Variants in CYFIP2 observed in about 807,000 individuals in gnomAD.
CYFIP2 encodes the protein cytoplasmic FMR1 interacting protein 2.
Under a neutral mutation model 158.7 loss-of-function variants are expected in CYFIP2, and 29 were observed. The observed-to-expected ratio is 0.18, with a 90% CI of 0.14 to 0.25. The LOEUF (loss-of-function observed/expected upper bound fraction) is 0.25. CYFIP2 is among the 10% of genes least tolerant of loss of function. The probability of loss-of-function intolerance (pLI) is 1.00; values close to 1 mark genes in which losing one functional copy is unlikely to be tolerated. For missense variants in CYFIP2, 852 were observed against 1,639.5 expected (o/e 0.52, Z 8.29); for synonymous variants, 585 against 617.6 (o/e 0.95, Z 0.78).
chr5:157,326,107 T>C, intron 17 of CYFIP2, 64 bp from the exon 18 acceptor site: 2 of 1,202,048 alleles, frequency 1.7e-6, no homozygotes, highest in East Asian at 4.7e-5. Context: ...CCCAAGCAAG[T>C]ATAAAGCTGT....
intron 21 of CYFIP2, among the ~76,000 whole-genome samples, chr5:157,338,313 G>A (rs1003076674): frequency 2.6e-5 from 4 of 152,226 alleles, no homozygotes; most frequent in Non-Finnish European, 5.9e-5. Context: ...CCCATGGCTT[G>A]TAGCCACGCC....
chr5:157,370,158 CATG>C (rs1764861732), intron 26 of CYFIP2, among the ~76,000 whole-genome samples: 1 of 152,160 alleles, frequency 6.6e-6, no homozygotes, highest in Non-Finnish European at 1.5e-5. Flanking sequence ...GGATTACAGG[CATG>C]AGCTACCACA....
chr5:157,271,072 A>AG (rs1237079610), intron 1 of CYFIP2, among the ~76,000 whole-genome samples: 1 of 152,210 alleles, frequency 6.6e-6, no homozygotes, highest in African/African-American at 2.4e-5. Context: ...AAGGTCATTA[A>AG]GGGGCTTGGC....
chr5:157,333,210 C>T (rs1165437455), intron 20 of CYFIP2, 117 bp from the exon 21 acceptor site: 7 of 1,352,590 alleles, frequency 5.2e-6, no homozygotes, highest in Non-Finnish European at 7.2e-6. Flanking sequence ...GAAACCCCTC[C>T]CACCTGGCAG....
rs73815880 is a variant in CYFIP2 at position 157,385,830 on chromosome 5, C to T, written c.3207+2471C>T. ...TATAGAGAAGGAATATTGATGATTC[C>T]GGCACAGCTTCACAAATGTTTTCTC... On this transcript the variant is annotated intron_variant, in intron 28 of 30. Transcript: ENST00000620254. Among the ~76,000 whole-genome samples, 486 of 151,698 alleles carry T rather than the reference C, an allele frequency of 3.2e-3. 4 individuals carry two copies. The highest frequency in any genetic ancestry group is 0.011 in the African/African-American group (455 of 41,404).
At chr5:157,368,957 G>A (rs1375959698) in intron 26 of CYFIP2, among the ~76,000 whole-genome samples, 2 of 150,476 alleles carry the variant, frequency 1.3e-5, no homozygotes, top group Non-Finnish European at 3.0e-5. Flanking sequence ...GGAGTGCAGT[G>A]GCACAATCTT....
chr5:157,327,933 G>C, intron 18 of CYFIP2, 40 bp from the exon 19 acceptor site: 1 of 1,598,992 alleles, frequency 6.3e-7, no homozygotes, highest in Non-Finnish European at 8.6e-7. Flanking sequence ...TCATAAAGCT[G>C]AACGGGCACC....
At position 157,372,798 on chromosome 5, in the gene CYFIP2, C is replaced by T. The variant is rs1765112540; in HGVS notation, c.3040-9792C>T. ...GAAGCTGGCCGGTCCAAATTAGAGGCCAGTGAGAGACCCTTAGAGAACACC... is the reference window on the plus strand; with the variant it reads ...GAAGCTGGCCGGTCCAAATTAGAGGTCAGTGAGAGACCCTTAGAGAACACC... On this transcript the variant is annotated intron_variant, in intron 26 of 30. Transcript: ENST00000620254. Among the ~76,000 whole-genome samples the T allele has an allele frequency of 2.0e-5, 3 of 152,256 alleles. No individual in the cohort carries two copies. The South Asian group carries it at 6.2e-4, about 32-fold the overall frequency.
At chr5:157,273,857 A>C (rs1756314931) in intron 1 of CYFIP2, among the ~76,000 whole-genome samples, 2 of 152,214 alleles carry the variant, frequency 1.3e-5, no homozygotes, top group Non-Finnish European at 1.5e-5. Flanking sequence ...AGTTCAGGGC[A>C]GGCATGGTGG....
At chr5:157,297,842 C>A (rs897381768) in intron 5 of CYFIP2, among the ~76,000 whole-genome samples, 1 of 152,060 alleles carries the variant, frequency 6.6e-6, no homozygotes, top group African/African-American at 2.4e-5. Context: ...AAAAATAAAA[C>A]GAGACAACAT....
At chr5:157,327,937 G>C (rs772631262) in intron 18 of CYFIP2, 36 bp from the exon 19 acceptor site, 15 of 1,601,714 alleles carry the variant, frequency 9.4e-6, no homozygotes, top group Non-Finnish European at 1.0e-5. Flanking sequence ...AAAGCTGAAC[G>C]GGCACCAGTG....
intron 30 of CYFIP2, among the ~76,000 whole-genome samples, chr5:157,392,057 A>G (rs1056028148): frequency 6.6e-6 from 1 of 152,146 alleles, no homozygotes; most frequent in Non-Finnish European, 1.5e-5. Flanking sequence ...CCATTTGTAT[A>G]TCTTCTTTAG....
intron 29 of CYFIP2, among the ~76,000 whole-genome samples, chr5:157,390,232 T>A (rs969675028): frequency 2.6e-5 from 4 of 152,028 alleles, no homozygotes; most frequent in Non-Finnish European, 5.9e-5. Context: ...AACAGCTGGG[T>A]GGGTTTTTCC....
At chr5:157,326,311 A>G in intron 18 of CYFIP2, 44 bp downstream of exon 18, 1 of 1,529,132 alleles carries the variant, frequency 6.5e-7, no homozygotes, top group Non-Finnish European at 9.1e-7. Context: ...TCTTGTTCCA[A>G]ATTCCGGACT....
chr5:157,379,774 C>T (rs181781217), intron 26 of CYFIP2, among the ~76,000 whole-genome samples: 1 of 151,526 alleles, frequency 6.6e-6, no homozygotes, highest in Non-Finnish European at 1.5e-5. Flanking sequence ...TACATGGTCT[C>T]CTCTGTAACC....
At chr5:157,273,725 C>A (rs1756304740) in intron 1 of CYFIP2, among the ~76,000 whole-genome samples, 1 of 152,150 alleles carries the variant, frequency 6.6e-6, no homozygotes, top group Non-Finnish European at 1.5e-5. Context: ...TCTCTTTGTA[C>A]CCCTTCTGCT....
chr5:157,318,563 C>G (rs890226464), intron 13 of CYFIP2, among the ~76,000 whole-genome samples: 1 of 152,176 alleles, frequency 6.6e-6, no homozygotes, highest in African/African-American at 2.4e-5. Flanking sequence ...TGTTTTCATA[C>G]CAGTTCTATC....
At chr5:157,280,535 T>C (rs1756915393) in intron 1 of CYFIP2, among the ~76,000 whole-genome samples, 2 of 152,060 alleles carry the variant, frequency 1.3e-5, no homozygotes, top group Non-Finnish European at 2.9e-5. Flanking sequence ...TAAATGAGTA[T>C]TTTTTAAGTT....
rs758143660 is a variant in CYFIP2, at chr5:157,311,415, T to A, written c.993-249T>A. 183 of 535,488 alleles carry A rather than the reference T, an allele frequency of 3.4e-4. No homozygotes were observed. The highest frequency in any genetic ancestry group is 5.3e-4 in the Non-Finnish European group (158 of 296,850). 33.2% of individuals were successfully genotyped at this position (535,488 alleles called of 1,614,324 possible). A position where few individuals can be genotyped will look rare whatever the true frequency, so the allele number is the denominator to read the frequency against. On this transcript the variant is annotated intron_variant, in intron 10 of 30. Transcript: ENST00000620254. This position sits in a 1 kb window ranked among gnomAD's most constrained non-coding sequence, Gnocchi z 4.7. The stretch of plus-strand genomic sequence containing the variant: ...ACTGGTAAGTATTATGGACCAGGTA[T>A]CTGGAAAGGCCTACAGTTGGATCCT...
Sources: gnomAD v4.1 joint callset for allele counts (sites outside exome capture counted in the v4.1 genomes callset) on GRCh38, gnomAD v4.1.1 for gene constraint, Gnocchi (gnomAD v3.1) non-coding constraint, MANE v1.5 for transcripts, NCBI Gene and HGNC (gene_info 2026-07-23, HGNC 2026-07-21) for gene names.